The following PRR16 variants were observed in gnomAD, a reference collection of about 807,000 sequenced individuals.
The protein encoded by PRR16 is proline rich 16.
A neutral mutation model predicts 18.2 loss-of-function variants in PRR16; 6 were observed. The observed-to-expected ratio is 0.33, with a 90% confidence interval of 0.18 to 0.65. The LOEUF is 0.65. Ranked by LOEUF, PRR16 falls within the 30% of genes least tolerant of loss-of-function variation. The probability of loss-of-function intolerance (pLI) is 0.74; values close to 1 mark genes in which losing one functional copy is unlikely to be tolerated. For missense variants in PRR16, 412 were observed against 376.6 expected, an observed-to-expected ratio of 1.09 and a Z score of -0.78; for synonymous variants, 151 against 147.8, an observed-to-expected ratio of 1.02 and a Z score of -0.16.
intron 1 of PRR16, among the ~76,000 whole-genome samples, chr5:120,649,988 G>C (rs1003287449): frequency 1.3e-5 from 2 of 151,904 alleles, no homozygotes; most frequent in Non-Finnish European, 2.9e-5. Context: ...GGGAGGCCTA[G>C]GTGGGCAGAT....
chr5:120,646,296 G>A (rs948552264), intron 1 of PRR16, among the ~76,000 whole-genome samples: 29 of 151,612 alleles, frequency 1.9e-4, no homozygotes, highest in African/African-American at 4.8e-4. Flanking sequence ...TTGTGACACC[G>A]TACTGGAATT....
chr5:120,596,688 G>A (rs1294288859), intron 1 of PRR16, among the ~76,000 whole-genome samples: 1 of 151,510 alleles, frequency 6.6e-6, no homozygotes, highest in African/African-American at 2.4e-5. Context: ...CCCTAATTCA[G>A]CTCTTCTCTT....
chr5:120,683,501 C>A (rs910850007), intron 1 of PRR16, among the ~76,000 whole-genome samples: 1,042 of 111,434 alleles, frequency 9.4e-3, no homozygotes, highest in South Asian at 9.9e-3. Flanking sequence ...CACTCCGTCT[C>A]AAAAAAAAAA....
intron 1 of PRR16, among the ~76,000 whole-genome samples, chr5:120,636,493 A>T (rs1423657568): frequency 2.1e-4 from 32 of 151,758 alleles, no homozygotes; most frequent in Non-Finnish European, 5.9e-5. Context: ...CTTAAAGCTG[A>T]CTTATCTTTG....
intron 1 of PRR16, among the ~76,000 whole-genome samples, chr5:120,592,097 T>C (rs938603437): frequency 3.3e-5 from 5 of 151,334 alleles, no homozygotes; most frequent in African/African-American, 1.2e-4. Context: ...AAAGACAAAG[T>C]AGCATAACCA....
At chr5:120,506,389 A>G (rs1750646916) in intron 1 of PRR16, among the ~76,000 whole-genome samples, 1 of 152,134 alleles carries the variant, frequency 6.6e-6, no homozygotes, top group Admixed American at 6.6e-5. Context: ...ATAAATAAAA[A>G]TCTGTTAGAG....
intron 1 of PRR16, among the ~76,000 whole-genome samples, chr5:120,558,412 A>G (rs1752481114): frequency 6.6e-6 from 1 of 151,808 alleles, no homozygotes; most frequent in Non-Finnish European, 1.5e-5. Flanking sequence ...TTGTTTTTCT[A>G]TGCCTGGCTT....
At chr5:120,783,879 A>T in the PRR16 span, among the ~76,000 whole-genome samples, 2 of 152,048 alleles carry the variant, frequency 1.3e-5, no homozygotes, top group African/African-American at 4.8e-5. Flanking sequence ...CCCACTACCC[A>T]TACCAGCCTC....
intron 1 of PRR16, among the ~76,000 whole-genome samples, chr5:120,629,295 G>C (rs1754978548): frequency 6.6e-6 from 1 of 151,782 alleles, no homozygotes; most frequent in Non-Finnish European, 1.5e-5. Flanking sequence ...GTGTATTCAT[G>C]GTAGAATGAT....
At chr5:120,684,346 G>A (rs111958909) in intron 1 of PRR16, among the ~76,000 whole-genome samples, 1,960 of 152,268 alleles carry the variant, frequency 0.013, 16 homozygotes, top group South Asian at 0.018. Flanking sequence ...CTCATGAGGA[G>A]GAAGTAAAGT....
chr5:120,566,192 G>T (rs1219892477), intron 1 of PRR16, among the ~76,000 whole-genome samples: 1 of 152,138 alleles, frequency 6.6e-6, no homozygotes, highest in Admixed American at 6.5e-5. Flanking sequence ...TGTCTGTTCA[G>T]TGTGCTGTCA....
chr5:120,582,066 C>A (rs753400833), intron 1 of PRR16, among the ~76,000 whole-genome samples: 10 of 152,070 alleles, frequency 6.6e-5, no homozygotes, highest in Non-Finnish European at 1.2e-4. Flanking sequence ...AAGTATACAT[C>A]AACAGTTGAC....
chr5:120,618,352 TTTCTATATTAGCATATA>T, intron 1 of PRR16: 1 of 533,378 alleles, frequency 1.9e-6, no homozygotes, highest in African/African-American at 2.1e-5. Flanking sequence ...TTAAATAAAA[TTTCTATATTAGCATATA>T]GTGATTTTAA....
intron 1 of PRR16, among the ~76,000 whole-genome samples, chr5:120,678,045 G>T (rs531085137): frequency 6.6e-6 from 1 of 151,876 alleles, no homozygotes; most frequent in Admixed American, 6.6e-5. Flanking sequence ...GAATAGCTGG[G>T]ACTACAGGCG....
At chr5:120,538,315 G>A (rs1411168180) in intron 1 of PRR16, among the ~76,000 whole-genome samples, 3 of 152,164 alleles carry the variant, frequency 2.0e-5, no homozygotes, top group Non-Finnish European at 4.4e-5. Context: ...TTTAAGGGAA[G>A]CTCTTGAGAA....
At chr5:120,496,071 G>A (rs1188812402) in intron 1 of PRR16, among the ~76,000 whole-genome samples, 1 of 151,912 alleles carries the variant, frequency 6.6e-6, no homozygotes, top group African/African-American at 2.4e-5. Context: ...ATACGATTAT[G>A]TGATTTTTCT....
chr5:120,557,358 A>G (rs1468265711), intron 1 of PRR16, among the ~76,000 whole-genome samples: 1 of 151,918 alleles, frequency 6.6e-6, no homozygotes, highest in Non-Finnish European at 1.5e-5. Flanking sequence ...CTAAATCTAA[A>G]TGTATACTTG....
At chr5:120,525,823 G>T (rs184946044) in intron 1 of PRR16, among the ~76,000 whole-genome samples, 1 of 152,060 alleles carries the variant, frequency 6.6e-6, no homozygotes, top group East Asian at 1.9e-4. Flanking sequence ...GGGTCAAGTT[G>T]GTGCAATAGA....
At chr5:120,507,736 A>G (rs1303395628) in intron 1 of PRR16, among the ~76,000 whole-genome samples, 2 of 152,050 alleles carry the variant, frequency 1.3e-5, no homozygotes, top group Non-Finnish European at 2.9e-5. Flanking sequence ...ACGCTAGTTA[A>G]CCATTTTTTT....
Sources: allele counts gnomAD v4.1 joint callset (sites outside exome capture counted in the v4.1 genomes callset), GRCh38; gene constraint gnomAD v4.1.1; transcripts MANE v1.5; gene names NCBI Gene and HGNC (gene_info 2026-07-23, HGNC 2026-07-21).